Variants in NBPF15 observed in about 807,000 individuals in gnomAD.
NBPF15 encodes NBPF member 15, also known as NBPF family member NBPF15.
A neutral mutation model predicts 62.2 loss-of-function variants in NBPF15; 74 were observed. The observed-to-expected ratio is 1.19, with a 90% confidence interval of 0.99 to 1.44. The LOEUF (loss-of-function observed/expected upper bound fraction) is 1.44. NBPF15 is among the 40% of genes most tolerant of loss of function. The pLI, the probability that NBPF15 is intolerant of heterozygous loss-of-function variation, is 0.00. For missense variants in NBPF15, 790 were observed against 550.0 expected (o/e 1.44, Z -4.36); for synonymous variants, 244 against 209.7 (o/e 1.16, Z -1.41).
At chr1:144,456,417 T>C in intron 4 of NBPF15, 120 bp downstream of exon 4, 3 of 821,366 alleles carry the variant, frequency 3.7e-6, no homozygotes, top group Non-Finnish European at 4.6e-6. Context: ...CAGTATCTGT[T>C]TCATGCCAGG....
At chr1:144,432,596 A>C (rs200390247) in intron 13 of NBPF15, among the ~76,000 whole-genome samples, 6,112 of 151,804 alleles carry the variant, frequency 0.04, 169 homozygotes, top group Admixed American at 0.1. Context: ...TAGGCTCAAA[A>C]TAAAGGGATG....
chr1:144,452,153 C>G (rs1241646902), intron 4 of NBPF15, among the ~76,000 whole-genome samples: 1 of 147,790 alleles, frequency 6.8e-6, no homozygotes, highest in Admixed American at 6.7e-5. Flanking sequence ...ACTCCATCTC[C>G]AAAAAAAAAG....
chr1:144,458,759 GC>G (rs202178472), intron 3 of NBPF15, among the ~76,000 whole-genome samples: 3,415 of 152,178 alleles, frequency 0.022, 30 homozygotes, highest in Middle Eastern at 0.065. Flanking sequence ...GTGAATCATA[GC>G]CGGGTGGGGT....
At chr1:144,436,301 A>C (rs879968459) in intron 10 of NBPF15, among the ~76,000 whole-genome samples, 267 of 152,062 alleles carry the variant, frequency 1.8e-3, no homozygotes, top group East Asian at 4.1e-3. Flanking sequence ...CTGCTGTGTT[A>C]TTCAGGGACA....
intron 21 of NBPF15, 118 bp downstream of exon 21, chr1:144,423,752 C>G (rs1378932343): frequency 3.3e-5 from 23 of 700,914 alleles, no homozygotes; most frequent in South Asian, 4.9e-5. Flanking sequence ...ACAGCAATGA[C>G]AGTAGGAGTA....
At chr1:144,442,116 A>T (rs9438142) in intron 6 of NBPF15, among the ~76,000 whole-genome samples, 2 of 61,840 alleles carry the variant, frequency 3.2e-5, no homozygotes, top group African/African-American at 1.3e-4. Context: ...ATATATATAT[A>T]ATATATATAC....
chr1:144,439,899 G>T lies in NBPF15; in HGVS notation c.105C>A (p.Phe35Leu), dbSNP rs1332805626. ...GAAAACATTTCTCTTTGAGGTTTCT[G>T]AACTGCTGTTTCTTCTCTGCCAACT... ...RPQLAEKKQQFRNLKEKCFLT... is the reference protein window; with the variant it reads ...RPQLAEKKQQLRNLKEKCFLT... The change falls in exon 8 of 22, where the codon TTC becomes TTA. Residue 35 changes from phenylalanine (F) to leucine (L), a missense_variant. By Grantham distance (22) the Phe-to-Leu change is conservative (BLOSUM62 0). Coordinates refer to ENST00000581897, the MANE Select transcript of NBPF15 (RefSeq NM_001385408.1). 1 of 1,611,340 alleles carries T rather than the reference G, an allele frequency of 6.2e-7. No homozygotes were observed. Among genetic ancestry groups the T allele is most frequent in the African/African-American group, 1.3e-5 (1 of 74,778 alleles).
At chr1:144,453,296 A>T (rs1195848898) in intron 4 of NBPF15, among the ~76,000 whole-genome samples, 6 of 151,720 alleles carry the variant, frequency 4.0e-5, no homozygotes, top group Non-Finnish European at 8.8e-5. Flanking sequence ...CAAAAAAATA[A>T]ATAAATCCAG....
intron 6 of NBPF15, chr1:144,443,102 A>T (rs1394804517): frequency 1.4e-4 from 22 of 156,392 alleles, no homozygotes; most frequent in African/African-American, 5.3e-4. Context: ...TCATTACCCC[A>T]CACACCTTAT....
intron 4 of NBPF15, among the ~76,000 whole-genome samples, chr1:144,452,016 G>GT (rs1691493001): frequency 6.6e-6 from 1 of 151,270 alleles, no homozygotes; most frequent in African/African-American, 2.5e-5. Context: ...GCCAGGTGTG[G>GT]TAGCAGGCGC....
chr1:144,428,152 C>T (rs1176424847), intron 15 of NBPF15, among the ~76,000 whole-genome samples, 162 bp from the exon 16 acceptor site: 6 of 149,288 alleles, frequency 4.0e-5, no homozygotes, highest in South Asian at 4.2e-4. Context: ...TAGACTAGGG[C>T]CAGGTAGAAA....
chr1:144,423,052 G>C lies in NBPF15; in HGVS notation c.1974C>G (p.Leu658=). 6.2e-7 allele frequency: 1 copy of C among 1,611,632 alleles called. No homozygotes were observed. The change falls in exon 22 of 22, where the codon CTC becomes CTG. Residue 658 remains leucine (L), a synonymous_variant. Transcript: ENST00000581897. ...NRFFTLTVTS[L]HLVFQMGVIF... ...TGACTCCCATCTGGAACACCAGGTG[G>C]AGACTTGTCACCGTCAAAGTAAAAA...
At chr1:144,460,024 T>TA (rs1651426346) in intron 2 of NBPF15, among the ~76,000 whole-genome samples, 1 of 122,860 alleles carries the variant, frequency 8.1e-6, no homozygotes, top group Non-Finnish European at 1.7e-5. Context: ...TCATTACCTG[T>TA]ACTTTTTTTT....
At chr1:144,448,039 G>T (rs1286592512) in intron 6 of NBPF15, among the ~76,000 whole-genome samples, 1 of 152,066 alleles carries the variant, frequency 6.6e-6, no homozygotes, top group Non-Finnish European at 1.5e-5. Context: ...GCTTCTGCAA[G>T]ACGCTTCTTC....
Position 144,444,330 on chromosome 1 carries a change from A to C in NBPF15, c.-190-4035T>G, listed in dbSNP as rs1356702896. Among the ~76,000 whole-genome samples the C allele has an allele frequency of 4.0e-5, 6 of 151,250 alleles. No homozygotes were observed. The East Asian group carries it at 9.7e-4, about 24-fold the overall frequency. ...GGCTGGAATGTAACAAAAGCCCACC[A>C]AGAGTTTTGCCTAGGTTTTTCCTGG... On this transcript the variant is annotated intron_variant, in intron 6 of 21. Transcript: ENST00000581897.
In NBPF15 at chr1:144,426,737, G is replaced by C. The variant is rs782360641; in HGVS notation, c.1266-287C>G. Among the ~76,000 whole-genome samples, 1,041 of 151,878 alleles carry C rather than the reference G, an allele frequency of 6.9e-3. 14 individuals carry two copies. Among genetic ancestry groups the C allele is most frequent in the Non-Finnish European group, 0.011 (718 of 67,936 alleles). On this transcript the variant is annotated intron_variant, in intron 17 of 21. Coordinates refer to ENST00000581897, the MANE Select transcript of NBPF15 (RefSeq NM_001385408.1). ...GTCAAAGGACACTCTGAGTTAGTGCGCTCGGGACACACAACGAACAGTGGT... is the reference window on the plus strand; with the variant it reads ...GTCAAAGGACACTCTGAGTTAGTGCCCTCGGGACACACAACGAACAGTGGT...
Position 144,461,629 on chromosome 1 carries a change from GCTGGCTCCT to G in NBPF15, c.-1195_-1187del, listed in dbSNP as rs1343993686. On this transcript the variant is annotated 5_prime_UTR_variant, in exon 1 of 22. Transcript: ENST00000581897. ...GCCGCCCAGCCCATAGCCTGCGCCA[GCTGGCTCCT>G]CAGGGTCCCGCCCGGCGCGTCAGGA... 2.6e-5 allele frequency: 4 copies of G among 152,540 alleles called. No individual in the cohort carries two copies. The highest frequency in any genetic ancestry group is 5.8e-5 in the Non-Finnish European group (4 of 68,410). The allele number at this position is 152,540 out of a possible 1,614,324, so 9.4% of individuals were successfully genotyped here.
chr1:144,428,266 C>T (rs1216846015), intron 15 of NBPF15, among the ~76,000 whole-genome samples: 2 of 151,768 alleles, frequency 1.3e-5, no homozygotes, highest in African/African-American at 2.4e-5. Flanking sequence ...AATCAAAGGA[C>T]ACTCTGTATT....
chr1:144,440,334 A>T (rs1263007033), intron 6 of NBPF15, 39 bp from the exon 7 acceptor site: 4 of 1,203,456 alleles, frequency 3.3e-6, no homozygotes, highest in African/African-American at 1.5e-5. Context: ...TGGGGGTGTC[A>T]TGGAATCTTA....
Sources: allele counts gnomAD v4.1 joint callset (sites outside exome capture counted in the v4.1 genomes callset), GRCh38; gene constraint gnomAD v4.1.1; transcripts MANE v1.5; gene names NCBI Gene and HGNC (gene_info 2026-07-23, HGNC 2026-07-21).